Variants in DAPK1 observed in about 807,000 individuals in gnomAD.
DAPK1 encodes death associated protein kinase 1, also known as death-associated protein kinase 1.
DAPK1 carries 56 observed loss-of-function variants against 144.9 expected under a neutral mutation model. The ratio of observed to expected loss-of-function variants is 0.39; its 90% CI spans 0.31 to 0.48. DAPK1 has a LOEUF of 0.48. DAPK1 is among the 20% of genes least tolerant of loss of function. The pLI is 0.95. For synonymous variants in DAPK1, 690 were observed against 749.0 expected (o/e 0.92, Z 1.29); for missense variants, 1,454 against 1,875.4 (o/e 0.78, Z 4.15).
chr9:87,623,728 G>A (rs1829391269), intron 3 of DAPK1, among the ~76,000 whole-genome samples: 1 of 152,156 alleles, frequency 6.6e-6, no homozygotes, highest in Non-Finnish European at 1.5e-5. Flanking sequence ...CGGGGATCGA[G>A]CTAACATTTC....
Position 87,706,890 on chromosome 9 carries a change from G to T in DAPK1, c.3819G>T (p.Gly1273=). Residue 1273 remains glycine, a synonymous_variant, in exon 26 of 26, where the codon GGG becomes GGT. Transcript: ENST00000408954. This position sits in a 1 kb window ranked among gnomAD's most constrained non-coding sequence, Gnocchi z 9.0. ...LKETSLTNTM[G]GYKESFSSIM... ...AAACCTCACTGACCAACACCATGGG[G>T]GGGTACAAGGAAAGCTTCAGCAGCA... 6.2e-7 allele frequency: 1 copy of T among 1,614,010 alleles called. No individual in the cohort carries two copies. The highest frequency in any genetic ancestry group is 8.5e-7 in the Non-Finnish European group (1 of 1,180,020).
intron 3 of DAPK1, among the ~76,000 whole-genome samples, chr9:87,617,332 G>A (rs1829130964): frequency 6.6e-6 from 1 of 152,192 alleles, no homozygotes; most frequent in African/African-American, 2.4e-5. Flanking sequence ...CTCTTTGGCA[G>A]GTGATAGCTT....
chr9:87,595,859 G>A (rs1240496653), intron 2 of DAPK1, among the ~76,000 whole-genome samples: 1 of 152,170 alleles, frequency 6.6e-6, no homozygotes, highest in African/African-American at 2.4e-5. Flanking sequence ...GCTTCTCCCT[G>A]TTGGTGCCGT....
At chr9:87,559,887 C>T (rs1233866307) in intron 2 of DAPK1, among the ~76,000 whole-genome samples, 1 of 152,060 alleles carries the variant, frequency 6.6e-6, no homozygotes, top group Non-Finnish European at 1.5e-5. Context: ...ATTCTTCATG[C>T]CCCCTATCTT....
intron 2 of DAPK1, among the ~76,000 whole-genome samples, chr9:87,595,353 C>T (rs1459012620): frequency 6.6e-6 from 1 of 152,132 alleles, no homozygotes; most frequent in Non-Finnish European, 1.5e-5. Context: ...CTCCAAGCAG[C>T]ATCTCTTTAT....
intron 2 of DAPK1, among the ~76,000 whole-genome samples, chr9:87,603,519 C>T (rs1403362740): frequency 6.6e-6 from 1 of 152,190 alleles, no homozygotes; most frequent in African/African-American, 2.4e-5. Context: ...CTTCACTGGC[C>T]TCCTACTGCT....
chr9:87,596,033 TGCCTCGTA>T (rs1358837383), intron 2 of DAPK1, among the ~76,000 whole-genome samples: 1 of 152,174 alleles, frequency 6.6e-6, no homozygotes, highest in Non-Finnish European at 1.5e-5. Context: ...TGCTTTCCTC[TGCCTCGTA>T]GCTTCTTGAA....
At chr9:87,700,846 A>G (rs1825434130) in intron 24 of DAPK1, among the ~76,000 whole-genome samples, 1 of 152,240 alleles carries the variant, frequency 6.6e-6, no homozygotes, top group Admixed American at 6.5e-5. Flanking sequence ...TTATTGTGGA[A>G]TATTTAGAAA....
At chr9:87,625,921 G>A (rs1017813885) in intron 3 of DAPK1, among the ~76,000 whole-genome samples, 1 of 152,170 alleles carries the variant, frequency 6.6e-6, no homozygotes, top group Non-Finnish European at 1.5e-5. Context: ...AATATGTAAG[G>A]AGTACCCATC....
chr9:87,511,666 T>C (rs1287010864), intron 2 of DAPK1, among the ~76,000 whole-genome samples: 1 of 110,588 alleles, frequency 9.0e-6, no homozygotes, highest in Non-Finnish European at 1.8e-5. Flanking sequence ...TTTCTTTTTC[T>C]TTTGTGTGTG....
At chr9:87,640,945 C>A in intron 9 of DAPK1, 98 bp downstream of exon 9, 3 of 1,170,938 alleles carry the variant, frequency 2.6e-6, no homozygotes, top group South Asian at 2.5e-5. Context: ...AACCACAGGT[C>A]ACACCTGGAG....
chr9:87,699,622 A>G (rs761537706), intron 23 of DAPK1, among the ~76,000 whole-genome samples: 3 of 152,260 alleles, frequency 2.0e-5, no homozygotes, highest in Non-Finnish European at 4.4e-5. Flanking sequence ...ATATGCTAGT[A>G]TCTCTGATCT....
chr9:87,566,020 C>CT (rs11354174), intron 2 of DAPK1, among the ~76,000 whole-genome samples: 3,150 of 120,598 alleles, frequency 0.026, 82 homozygotes, highest in African/African-American at 0.073. Flanking sequence ...TCTCAGCATT[C>CT]TTTTTTTTTT....
intron 25 of DAPK1, among the ~76,000 whole-genome samples, chr9:87,705,725 T>G (rs754096874): frequency 2.6e-5 from 4 of 152,238 alleles, no homozygotes; most frequent in Non-Finnish European, 5.9e-5. Flanking sequence ...AATATAGTAC[T>G]ATGATTGAAT....
At chr9:87,561,454 A>G (rs1826920393) in intron 2 of DAPK1, among the ~76,000 whole-genome samples, 1 of 151,898 alleles carries the variant, frequency 6.6e-6, no homozygotes, top group Non-Finnish European at 1.5e-5. Flanking sequence ...TGAACCCGGG[A>G]GGCGGAGCTT....
intron 2 of DAPK1, among the ~76,000 whole-genome samples, chr9:87,579,887 A>G (rs1018970443): frequency 4.6e-5 from 7 of 152,108 alleles, no homozygotes; most frequent in Non-Finnish European, 7.4e-5. Context: ...TATCCAACCT[A>G]CTACTAGGAA....
chr9:87,704,594 G>T (rs1453641978), intron 25 of DAPK1, among the ~76,000 whole-genome samples: 2 of 152,150 alleles, frequency 1.3e-5, no homozygotes, highest in African/African-American at 4.8e-5. Flanking sequence ...GACTGTCTTA[G>T]CTCCCTGTTC....
chr9:87,698,182 G>A (rs1247446138), intron 22 of DAPK1, among the ~76,000 whole-genome samples: 1 of 152,172 alleles, frequency 6.6e-6, no homozygotes, highest in African/African-American at 2.4e-5. Flanking sequence ...GGTACTGCCA[G>A]TTTTGCCTCT....
chr9:87,534,262 T>TG (rs1302887782), intron 2 of DAPK1, among the ~76,000 whole-genome samples: 8 of 151,330 alleles, frequency 5.3e-5, no homozygotes, highest in African/African-American at 1.9e-4. Flanking sequence ...TTTTTTGTTT[T>TG]TTTTTTTAAC....
Sources: allele counts gnomAD v4.1 joint callset (sites outside exome capture counted in the v4.1 genomes callset), GRCh38; gene constraint gnomAD v4.1.1; non-coding constraint Gnocchi (gnomAD v3.1); transcripts MANE v1.5; gene names NCBI Gene and HGNC (gene_info 2026-07-23, HGNC 2026-07-21).